Variants in GRIA3 observed in about 807,000 individuals in gnomAD.
The protein encoded by GRIA3 is glutamate ionotropic receptor AMPA type subunit 3, also known as glutamate receptor 3.
In GRIA3, 3 loss-of-function variants were observed where a neutral mutation model predicts 63.0. That is an observed-to-expected ratio of 0.05 (90% CI 0.02 to 0.12). The LOEUF (loss-of-function observed/expected upper bound fraction) is 0.12, where lower values mean the gene tolerates loss of function less well. GRIA3 is among the 10% of genes least tolerant of loss of function. The probability of loss-of-function intolerance (pLI) is 1.00; values close to 1 mark genes in which losing one functional copy is unlikely to be tolerated. For missense variants in GRIA3, 347 were observed against 700.9 expected (o/e 0.50, Z 5.70); for synonymous variants, 274 against 257.9 (o/e 1.06, Z -0.60).
chrX:123,428,795 T>C (rs1483789614), intron 12 of GRIA3, among the ~76,000 whole-genome samples: 1 of 111,467 alleles, frequency 9.0e-6, no homozygotes, highest in Non-Finnish European at 1.9e-5. Context: ...AATAAAGCTA[T>C]GTAAAGTCTG....
chrX:123,208,027 A>G (rs1316971555), intron 2 of GRIA3, among the ~76,000 whole-genome samples: 2 of 112,345 alleles, frequency 1.8e-5, no homozygotes, highest in African/African-American at 6.5e-5. Context: ...AGCCAGCTCA[A>G]CTGGAAAAAC....
intron 12 of GRIA3, among the ~76,000 whole-genome samples, chrX:123,445,208 C>T (rs993201443): frequency 8.9e-6 from 1 of 111,831 alleles, no homozygotes. Context: ...AGGAGCCATC[C>T]CTTCTTTCTA....
At chrX:123,279,800 C>T (rs1240706541) in intron 3 of GRIA3, among the ~76,000 whole-genome samples, 1 of 111,666 alleles carries the variant, frequency 9.0e-6, no homozygotes, top group African/African-American at 3.3e-5. Context: ...CAGCCCTCTG[C>T]ACATCAACAA....
At chrX:123,205,919 C>G (rs182317481) in intron 2 of GRIA3, among the ~76,000 whole-genome samples, 9 of 111,691 alleles carry the variant, frequency 8.1e-5, no homozygotes, top group Admixed American at 6.6e-4. Context: ...ACACTACCCT[C>G]TTATTGTTTG....
chrX:123,312,740 A>G (rs1242113370), intron 3 of GRIA3, among the ~76,000 whole-genome samples: 2 of 112,492 alleles, frequency 1.8e-5, no homozygotes, highest in Non-Finnish European at 3.8e-5. Context: ...TATATCCATC[A>G]TGACATTCCT....
At chrX:123,304,012 C>G (rs1476201044) in intron 3 of GRIA3, among the ~76,000 whole-genome samples, 1 of 110,413 alleles carries the variant, frequency 9.1e-6, no homozygotes, top group Non-Finnish European at 1.9e-5. Flanking sequence ...GCTCCAGGGT[C>G]AGTACACATT....
intron 5 of GRIA3, among the ~76,000 whole-genome samples, chrX:123,373,604 G>A (rs768587739): frequency 1.8e-5 from 2 of 112,326 alleles, no homozygotes; most frequent in African/African-American, 6.5e-5. Context: ...CTGATGACCA[G>A]TGATGATGAG....
At chrX:123,337,114 C>T (rs895860010) in intron 4 of GRIA3, among the ~76,000 whole-genome samples, 2 of 111,383 alleles carry the variant, frequency 1.8e-5, no homozygotes, top group African/African-American at 6.5e-5. Context: ...AGTGAAGAAC[C>T]TTTGTGCCAC....
chrX:123,218,545 C>T (rs943165205), intron 2 of GRIA3, among the ~76,000 whole-genome samples: 5 of 111,000 alleles, frequency 4.5e-5, no homozygotes, highest in East Asian at 2.8e-4. Context: ...CTGCAAGCTC[C>T]GCCTCCCAGG....
intron 12 of GRIA3, among the ~76,000 whole-genome samples, chrX:123,463,653 A>AG (rs2045812175): frequency 1.8e-5 from 1 of 54,710 alleles, no homozygotes; most frequent in Non-Finnish European, 3.2e-5. Flanking sequence ...AGAAAGAAAG[A>AG]AAGAAAGAAA....
chrX:123,232,415 A>G (rs1011831384), intron 2 of GRIA3, among the ~76,000 whole-genome samples: 1 of 111,850 alleles, frequency 8.9e-6, no homozygotes, highest in Non-Finnish European at 1.9e-5. Flanking sequence ...TGTTAAAAAG[A>G]AAGCAGAATG....
chrX:123,386,404 G>C (rs1450066045), intron 5 of GRIA3, among the ~76,000 whole-genome samples: 1 of 111,755 alleles, frequency 8.9e-6, no homozygotes, highest in African/African-American at 3.2e-5. Flanking sequence ...CCATTCAACA[G>C]GTTGTCTCTT....
intron 2 of GRIA3, among the ~76,000 whole-genome samples, chrX:123,217,510 G>A (rs1019913322): frequency 3.6e-5 from 4 of 111,439 alleles, no homozygotes; most frequent in African/African-American, 6.5e-5. Flanking sequence ...CCTACCACCC[G>A]CAGGTTACCC....
At chrX:123,456,570 A>G (rs1244364640) in intron 12 of GRIA3, among the ~76,000 whole-genome samples, 1 of 110,483 alleles carries the variant, frequency 9.1e-6, no homozygotes, top group African/African-American at 3.3e-5. Context: ...CACCCCAGCC[A>G]CACCTTACCC....
intron 6 of GRIA3, among the ~76,000 whole-genome samples, chrX:123,398,148 G>C (rs1007177196): frequency 3.6e-5 from 4 of 111,917 alleles, no homozygotes; most frequent in African/African-American, 1.3e-4. Flanking sequence ...CAGAAACATG[G>C]TCCAGACAGA....
intron 2 of GRIA3, among the ~76,000 whole-genome samples, chrX:123,225,548 T>C (rs1180517113): frequency 8.9e-6 from 1 of 112,246 alleles, no homozygotes; most frequent in Admixed American, 9.4e-5. Context: ...GTGCAGTTTA[T>C]CTTTTGAACC....
At chrX:123,286,794 C>A (rs1047736672) in intron 3 of GRIA3, among the ~76,000 whole-genome samples, 17 of 111,448 alleles carry the variant, frequency 1.5e-4, no homozygotes, top group African/African-American at 4.2e-4. Context: ...CCAAAAAGAA[C>A]CAAGGACCAG....
intron 5 of GRIA3, among the ~76,000 whole-genome samples, chrX:123,380,807 T>C (rs894882860): frequency 5.4e-5 from 6 of 111,919 alleles, no homozygotes; most frequent in African/African-American, 2.0e-4. Flanking sequence ...TAATCCATCT[T>C]GAATTAATTT....
intron 2 of GRIA3, among the ~76,000 whole-genome samples, chrX:123,241,230 T>A (rs2044327948): frequency 9.0e-6 from 1 of 111,433 alleles, no homozygotes. Context: ...TCTAATAAAC[T>A]TGTTAAACAA....
Sources: gnomAD v4.1 joint callset for allele counts (sites outside exome capture counted in the v4.1 genomes callset) on GRCh38, gnomAD v4.1.1 for gene constraint, MANE v1.5 for transcripts, NCBI Gene and HGNC (gene_info 2026-07-23, HGNC 2026-07-21) for gene names.